Variants in SELENOV observed in about 807,000 individuals in gnomAD.
SELENOV encodes selenoprotein V.
In SELENOV, 25 loss-of-function variants were observed where a neutral mutation model predicts 21.6. The ratio of observed to expected loss-of-function variants is 1.16; its 90% CI spans 0.84 to 1.62. SELENOV has a LOEUF of 1.62. SELENOV is among the 40% of genes most tolerant of loss of function. The probability of loss-of-function intolerance (pLI) is 0.00; values close to 1 mark genes in which losing one functional copy is unlikely to be tolerated. For synonymous variants in SELENOV, 227 were observed against 216.9 expected (o/e 1.05, Z -0.41); for missense variants, 472 against 459.0 (o/e 1.03, Z -0.26).
At chr19:39,516,178 T>C in intron 1 of SELENOV, 157 bp downstream of exon 1, 1 of 717,352 alleles carries the variant, frequency 1.4e-6, no homozygotes, top group Non-Finnish European at 2.5e-6. Context: ...AACCCGCTCT[T>C]GTCTCTCATT....
At position 39,515,381 on chromosome 19, in the gene SELENOV, A is replaced by G. The variant is rs1179779045; in HGVS notation, c.169A>G (p.Thr57Ala). Residue 57 changes from threonine to alanine, a missense_variant, in exon 1 of 6, where the codon ACT (threonine) becomes GCT (alanine). Transcript: ENST00000335426. The surrounding 1 kb of genome is among the most constrained non-coding windows in gnomAD (Gnocchi z 5.1). ...AGTCCTGACTCCGTCTCCAGCCGGGACTTCCCCTCTGGTCCTGACTCCTGC... is the reference window on the plus strand; with the variant it reads ...AGTCCTGACTCCGTCTCCAGCCGGGGCTTCCCCTCTGGTCCTGACTCCTGC... 1.9e-5 allele frequency: 29 copies of G among 1,550,688 alleles called. No individual in the cohort carries two copies. The highest frequency in any genetic ancestry group is 2.5e-5 in the Non-Finnish European group (29 of 1,146,814).
Position 39,515,621 on chromosome 19 carries a change from G to C in SELENOV, c.409G>C (p.Ala137Pro). The change falls in exon 1 of 6, where the codon GCG becomes CCG. Residue 137 changes from alanine to proline, a missense_variant. Coordinates refer to ENST00000335426, the Ensembl canonical transcript of SELENOV. This position sits in a 1 kb window ranked among gnomAD's most constrained non-coding sequence, Gnocchi z 5.1. ...CCAGCTCCTGGCAGGGATTCGGGCC[G>C]CGCTCCCCGTCTTGGACTCCTACCT... is the stretch of plus-strand genomic sequence containing the variant. The C allele has an allele frequency of 6.5e-7, 1 of 1,548,164 alleles. No individual in the cohort carries two copies. Among genetic ancestry groups the C allele is most frequent in the African/African-American group, 1.4e-5 (1 of 73,152 alleles).
Position 39,515,752 on chromosome 19 carries a change from G to T in SELENOV, c.540G>T (p.Ser180=), listed in dbSNP as rs1412115511. ...CGCCGAGCCTGAAGCTCATCCCGTC[G>T]GTCTCCAGCGAGGCCGGGCCCGCCC... The change falls in exon 1 of 6, where the codon TCG becomes TCT. Residue 180 remains serine, a synonymous_variant. Transcript: ENST00000335426. This position sits in a 1 kb window ranked among gnomAD's most constrained non-coding sequence, Gnocchi z 5.1. 26 of 1,549,146 alleles carry T rather than the reference G, an allele frequency of 1.7e-5. No individual in the cohort carries two copies. The highest frequency in any genetic ancestry group is 2.1e-5 in the Non-Finnish European group (24 of 1,146,332).
rs1464122060 is a variant in SELENOV, at chr19:39,515,648, G to A, written c.436G>A (p.Ala146Thr). 4 of 1,548,278 alleles carry A rather than the reference G, an allele frequency of 2.6e-6. No individual in the cohort carries two copies. Among genetic ancestry groups the A allele is most frequent in the Non-Finnish European group, 3.5e-6 (4 of 1,146,846 alleles). The change falls in exon 1 of 6, where the codon GCC becomes ACC. Residue 146 changes from alanine to threonine, a missense_variant. Coordinates refer to ENST00000335426, the Ensembl canonical transcript of SELENOV. The surrounding 1 kb of genome is among the most constrained non-coding windows in gnomAD (Gnocchi z 5.1). ...GCTCCCCGTCTTGGACTCCTACCTG[G>A]CCCCGGCCCTACCTTTGGATCCGCC...
chr19:39,518,925 C>T (rs1445770333), exon 4 of SELENOV: 1 of 1,613,838 alleles, frequency 6.2e-7, no homozygotes, highest in Admixed American at 1.7e-5. Context: ...GCTGCCCAGG[C>T]TACAGGGGAG....
At position 39,516,476 on chromosome 19, in the gene SELENOV, CG is replaced by C. The variant is rs1379503530; in HGVS notation, c.809+457del. ...CTCCTCTTCTGTCTCTGCCCACAGG[CG>C]GTCTCTCCCACTCTCTGTCTCTCTG... is the stretch of plus-strand genomic sequence containing the variant. On this transcript the variant is annotated intron_variant, in intron 1 of 5. Coordinates refer to ENST00000335426, the Ensembl canonical transcript of SELENOV. Among the ~76,000 whole-genome samples the C allele has an allele frequency of 4.9e-4, 74 of 152,086 alleles. 1 individual carries two copies. The highest frequency in any genetic ancestry group is 5.9e-5 in the Non-Finnish European group (4 of 67,978).
At chr19:39,518,531 C>G in intron 1 of SELENOV, 77 bp from the exon 2 acceptor site, 3 of 1,452,198 alleles carry the variant, frequency 2.1e-6, no homozygotes, top group Non-Finnish European at 2.8e-6. Context: ...ATAGGGTGCC[C>G]TGAGCTGGGG....
intron 1 of SELENOV, among the ~76,000 whole-genome samples, chr19:39,518,279 AAAAAAAC>A (rs1261348217): frequency 5.6e-5 from 4 of 71,304 alleles, no homozygotes; most frequent in Non-Finnish European, 8.1e-5. Flanking sequence ...TCAAAAAAAC[AAAAAAAC>A]AAAAAAACAA....
intron 1 of SELENOV, chr19:39,516,372 G>C (rs2079697168): frequency 9.6e-6 from 4 of 415,302 alleles, no homozygotes; most frequent in South Asian, 7.9e-5. Context: ...CATGATAGGG[G>C]CTCTGGCTTC....
chr19:39,515,620 C>T lies in SELENOV; in HGVS notation c.408C>T (p.Ala136=), dbSNP rs1333920631. The change falls in exon 1 of 6, where the codon GCC becomes GCT. Residue 136 remains alanine, a synonymous_variant. Transcript: ENST00000335426. This position sits in a 1 kb window ranked among gnomAD's most constrained non-coding sequence, Gnocchi z 5.1. ...CCCAGCTCCTGGCAGGGATTCGGGC[C>T]GCGCTCCCCGTCTTGGACTCCTACC... 6.5e-7 allele frequency: 1 copy of T among 1,548,352 alleles called. No individual in the cohort carries two copies. The highest frequency in any genetic ancestry group is 8.7e-7 in the Non-Finnish European group (1 of 1,146,864).
Position 39,518,597 on chromosome 19 carries a change from TTGGCCTCCAG to T in SELENOV, c.810-3_816del. ...CTCTCTTAACTTTCTCCTCCTGCTC[TTGGCCTCCAG>T]TGGCCTCTGAAGCTATAGCCTTCGG... On this transcript the variant is annotated splice_acceptor_variant and splice_polypyrimidine_tract_variant and intron_variant, in intron 1 of 5. Transcript: ENST00000335426. LOFTEE classifies it high-confidence loss of function. 2 of 1,598,168 alleles carry T rather than the reference TTGGCCTCCAG, an allele frequency of 1.3e-6. No individual in the cohort carries two copies. Among genetic ancestry groups the T allele is most frequent in the Non-Finnish European group, 1.7e-6 (2 of 1,171,256 alleles).
chr19:39,519,195 CG>C, intron 5 of SELENOV, 25 bp downstream of exon 5: 1 of 1,554,542 alleles, frequency 6.4e-7, no homozygotes, highest in South Asian at 1.1e-5. Context: ...CCCAAGGCTG[CG>C]GTGGGAGGGG....
chr19:39,518,083 C>T (rs1020164916), intron 1 of SELENOV, among the ~76,000 whole-genome samples: 1 of 150,130 alleles, frequency 6.7e-6, no homozygotes, highest in Admixed American at 6.7e-5. Flanking sequence ...CCATCCTGGC[C>T]AACATGGTGA....
At chr19:39,520,598 T>A (rs990750166) in exon 6 of SELENOV, 1 of 152,126 alleles carries the variant, frequency 6.6e-6, no homozygotes, top group Non-Finnish European at 1.5e-5. Context: ...GCCCACTTTC[T>A]AAACCTGTAA....
In SELENOV at chr19:39,515,415, A is replaced by G. The variant is rs1199820981; in HGVS notation, c.203A>G (p.Gln68Arg). The change falls in exon 1 of 6, where the codon CAG (glutamine) becomes CGG (arginine). Residue 68 changes from glutamine (Q) to arginine (R), a missense_variant. By Grantham distance (43) the Gln-to-Arg change is conservative. Transcript: ENST00000335426. This position sits in a 1 kb window ranked among gnomAD's most constrained non-coding sequence, Gnocchi z 5.1. ...CTGGTCCTGACTCCTGCTCCAGCCC[A>G]GATTCCCACTCTGGTCCCCACTCCC... 1 of 1,550,992 alleles carries G rather than the reference A, an allele frequency of 6.4e-7. No individual in the cohort carries two copies. The highest frequency in any genetic ancestry group is 8.7e-7 in the Non-Finnish European group (1 of 1,146,812).
At chr19:39,519,363 G>A (rs1284752601) in intron 5 of SELENOV, among the ~76,000 whole-genome samples, 193 bp downstream of exon 5, 1 of 151,972 alleles carries the variant, frequency 6.6e-6, no homozygotes, top group African/African-American at 2.4e-5. Context: ...TGTTCAGTGA[G>A]TTTGAAAAAT....
In SELENOV at chr19:39,515,699, T is replaced by A; in HGVS notation, c.487T>A (p.Leu163Met). ...CCCGGAACCTGCTCCGGAGCTGCCT[T>A]TGTTGCCCGAGGAGGACCCTGAGCC... Residue 163 changes from leucine (L) to methionine (M), a missense_variant, in exon 1 of 6, where the codon TTG (leucine) becomes ATG (methionine). Leu to Met is a conservative substitution (Grantham distance 15). Transcript: ENST00000335426. The surrounding 1 kb of genome is among the most constrained non-coding windows in gnomAD (Gnocchi z 5.1). 6.5e-7 allele frequency: 1 copy of A among 1,549,280 alleles called. No homozygotes were observed. Among genetic ancestry groups the A allele is most frequent in the Non-Finnish European group, 8.7e-7 (1 of 1,146,780 alleles).
rs1315085727 is a variant in SELENOV at position 39,515,924 on chromosome 19, C to T, written c.712C>T (p.Pro238Ser). The T allele has an allele frequency of 1.2e-6, 2 of 1,603,856 alleles. No homozygotes were observed. Among genetic ancestry groups the T allele is most frequent in the East Asian group, 4.5e-5 (2 of 44,510 alleles). Residue 238 changes from proline to serine, a missense_variant, in exon 1 of 6, where the codon CCG (proline) becomes TCG (serine). Transcript: ENST00000335426. This position sits in a 1 kb window ranked among gnomAD's most constrained non-coding sequence, Gnocchi z 5.1. ...CCCCTCGCCCATCCTGGGGACCATC[C>T]CGTCGGCCATCTCCTTACAGAATTG...
intron 4 of SELENOV, 21 bp downstream of exon 4, chr19:39,518,998 G>C (rs1021914404): frequency 3.7e-6 from 6 of 1,613,502 alleles, no homozygotes; most frequent in African/African-American, 2.7e-5. Context: ...GTAAAGGTCC[G>C]GGACAGGGAG....
Sources: gnomAD v4.1 joint callset for allele counts (sites outside exome capture counted in the v4.1 genomes callset) on GRCh38, gnomAD v4.1.1 for gene constraint, Gnocchi (gnomAD v3.1) non-coding constraint, MANE v1.5 for transcripts, NCBI Gene and HGNC (gene_info 2026-07-23, HGNC 2026-07-21) for gene names.